Variants in DNAJB6 observed in about 807,000 individuals in gnomAD.
DNAJB6 encodes the protein DnaJ heat shock protein family (Hsp40) member B6, also known as dnaJ homolog subfamily B member 6.
DNAJB6 carries 16 observed loss-of-function variants against 42.7 expected under a neutral mutation model. The ratio of observed to expected loss-of-function variants is 0.37; its 90% CI spans 0.25 to 0.57. DNAJB6 has a LOEUF of 0.57. Among genes scored for constraint, DNAJB6 ranks in the 20% least tolerant of loss-of-function variants. The pLI is 0.74. For synonymous variants in DNAJB6, 170 were observed against 163.5 expected (o/e 1.04, Z -0.30); for missense variants, 347 against 416.8 (o/e 0.83, Z 1.46).
chr7:157,398,217 G>T (rs1331533712), intron 8 of DNAJB6, among the ~76,000 whole-genome samples: 1 of 152,232 alleles, frequency 6.6e-6, no homozygotes, highest in South Asian at 2.1e-4. Flanking sequence ...GTGAGGGCAG[G>T]GTCTTGCTGG....
At chr7:157,393,048 AC>A (rs1801421774) in intron 8 of DNAJB6, among the ~76,000 whole-genome samples, 1 of 152,082 alleles carries the variant, frequency 6.6e-6, no homozygotes, top group African/African-American at 2.4e-5. Flanking sequence ...ATCACGGCTG[AC>A]TGCAACCCCT....
intron 1 of DNAJB6, among the ~76,000 whole-genome samples, chr7:157,351,869 T>C (rs991428599): frequency 6.6e-6 from 1 of 151,824 alleles, no homozygotes; most frequent in African/African-American, 2.4e-5. Context: ...GGCACATGCC[T>C]GTAGTCCCAG....
At chr7:157,342,153 T>C (rs1798424393) in intron 1 of DNAJB6, among the ~76,000 whole-genome samples, 1 of 150,876 alleles carries the variant, frequency 6.6e-6, no homozygotes, top group Non-Finnish European at 1.5e-5. Context: ...GCACCGAGCC[T>C]GGCCCTATTT....
At position 157,409,990 on chromosome 7, in the gene DNAJB6, C is replaced by G. The variant is rs1169348599; in HGVS notation, c.887C>G (p.Ala296Gly). The change falls in exon 9 of 10, where the codon GCG (alanine) becomes GGG (glycine). Residue 296 changes from alanine to glycine, a missense_variant. Ala to Gly is a moderately conservative substitution (Grantham distance 60). Around this residue, in one of 3 missense-constraint regions of DNAJB6, gnomAD observed 264 missense variants for 288.0 expected, o/e 0.92. Coordinates refer to ENST00000262177, the MANE Select transcript of DNAJB6 (RefSeq NM_058246.4). Reference protein sequence around the residue: ...PRAPGPWDPLASAAGLKEGGK... With the variant: ...PRAPGPWDPLGSAAGLKEGGK... ...GCACCCGGGCCCTGGGACCCCCTCG[C>G]GTCCGCAGCAGGTGTGCAAAGGGAG... is the stretch of plus-strand genomic sequence containing the variant. 2.6e-6 allele frequency: 4 copies of G among 1,531,234 alleles called. No homozygotes were observed. Among genetic ancestry groups the G allele is most frequent in the Non-Finnish European group, 3.5e-6 (4 of 1,142,048 alleles). The allele number at this position is 1,531,234 out of a possible 1,614,324, so 94.9% of individuals were successfully genotyped here.
In DNAJB6 at chr7:157,354,785, C is replaced by T. The variant is rs1799187761; in HGVS notation, c.-26-3762C>T. 2.6e-5 allele frequency among the ~76,000 whole-genome samples: 4 copies of T among 152,162 alleles called. 1 individual carries two copies. Among genetic ancestry groups the T allele is most frequent in the Admixed American group, 2.6e-4 (4 of 15,266 alleles). On this transcript the variant is annotated intron_variant, in intron 1 of 9. Coordinates refer to ENST00000262177, the MANE Select transcript of DNAJB6 (RefSeq NM_058246.4). ...TCATTTATTTCAGAGGTAGACTCGGCAGAACTTTGTGATTTATTTGTGTCT... is the reference window on the plus strand; with the variant it reads ...TCATTTATTTCAGAGGTAGACTCGGTAGAACTTTGTGATTTATTTGTGTCT...
Position 157,409,871 on chromosome 7 carries a change from C to G in DNAJB6, c.768C>G (p.Gly256=). ...GQNALPAQPA[G]LRPPKPPRPA... ...ACGCCCTGCCAGCCCAGCCTGCCGG[C>G]CTCCGCCCGCCGAAGCCGCCCCGGC... The change falls in exon 9 of 10, where the codon GGC becomes GGG. Residue 256 remains glycine (G), a synonymous_variant. Coordinates refer to ENST00000262177, the MANE Select transcript of DNAJB6 (RefSeq NM_058246.4). 1 of 1,533,326 alleles carries G rather than the reference C, an allele frequency of 6.5e-7. No homozygotes were observed. Among genetic ancestry groups the G allele is most frequent in the Non-Finnish European group, 8.7e-7 (1 of 1,145,644 alleles). The allele number at this position is 1,533,326 out of a possible 1,614,324, so 95.0% of individuals were successfully genotyped here.
rs58604246 is a variant in DNAJB6, at chr7:157,358,329, C to T, written c.-26-218C>T. Among the ~76,000 whole-genome samples the T allele has an allele frequency of 0.05, 7,630 of 152,122 alleles. 233 individuals carry two copies. The highest frequency in any genetic ancestry group is 0.084 in the African/African-American group (3,498 of 41,488). ...ATTAGGCTATTTCAGAGCTTTTTTCCCCGTCTCTAGAAGGGTCTTAGGGCA... is the reference window on the plus strand; with the variant it reads ...ATTAGGCTATTTCAGAGCTTTTTTCTCCGTCTCTAGAAGGGTCTTAGGGCA... On this transcript the variant is annotated intron_variant, in intron 1 of 9. Coordinates refer to ENST00000262177, the MANE Select transcript of DNAJB6 (RefSeq NM_058246.4).
At chr7:157,373,979 G>A (rs1021346740) in intron 5 of DNAJB6, among the ~76,000 whole-genome samples, 4 of 152,112 alleles carry the variant, frequency 2.6e-5, no homozygotes, top group African/African-American at 4.8e-5. Context: ...CCAGGAGTTC[G>A]AGTCCAGCTT....
chr7:157,368,176 GT>G (rs1799935557), intron 5 of DNAJB6, among the ~76,000 whole-genome samples: 1 of 152,172 alleles, frequency 6.6e-6, no homozygotes, highest in African/African-American at 2.4e-5. Context: ...GAAAATTTAA[GT>G]TACAGCTTGA....
chr7:157,357,602 G>GC (rs1452388137), intron 1 of DNAJB6, among the ~76,000 whole-genome samples: 2 of 151,896 alleles, frequency 1.3e-5, no homozygotes, highest in African/African-American at 4.8e-5. Flanking sequence ...TGAGCCACGC[G>GC]CCCGGCTGTG....
rs1433893898 is a variant in DNAJB6, at chr7:157,397,016, TCCTCACCA to T, written c.691+11407_691+11414del. 9.8e-5 allele frequency among the ~76,000 whole-genome samples: 15 copies of T among 152,306 alleles called. No individual in the cohort carries two copies. In the South Asian group the frequency reaches 2.7e-3, roughly 27 times the overall value. ...CTCACTCCAGGTCCTCCTGGAATTA[TCCTCACCA>T]CTCGGCTGAGGGATGCTGTCCACAC... On this transcript the variant is annotated intron_variant, in intron 8 of 9. Transcript: ENST00000262177.
At chr7:157,383,514 T>TA (rs1489543790) in intron 6 of DNAJB6, among the ~76,000 whole-genome samples, 1 of 152,158 alleles carries the variant, frequency 6.6e-6, no homozygotes, top group Admixed American at 6.5e-5. Flanking sequence ...TCTCATTTGA[T>TA]ACCATGGAAT....
intron 8 of DNAJB6, among the ~76,000 whole-genome samples, chr7:157,391,035 C>T (rs148149969): frequency 5.3e-5 from 8 of 152,194 alleles, no homozygotes; most frequent in Admixed American, 2.0e-4. Context: ...AGGGTTTTGC[C>T]GTGTTGCCCA....
At chr7:157,375,848 C>A (rs1800445092) in intron 5 of DNAJB6, among the ~76,000 whole-genome samples, 1 of 152,196 alleles carries the variant, frequency 6.6e-6, no homozygotes, top group Non-Finnish European at 1.5e-5. Context: ...GGGCGGCTGT[C>A]TAGGTTTTAG....
At chr7:157,404,754 C>T (rs947312110) in intron 8 of DNAJB6, among the ~76,000 whole-genome samples, 15 of 152,124 alleles carry the variant, frequency 9.9e-5, no homozygotes, top group Non-Finnish European at 1.9e-4. Context: ...GATCCGCCTG[C>T]CTCAGCCTCT....
At chr7:157,388,440 G>T (rs1434224739) in intron 8 of DNAJB6, among the ~76,000 whole-genome samples, 2 of 152,154 alleles carry the variant, frequency 1.3e-5, no homozygotes. Flanking sequence ...ACTTGCTGTA[G>T]TGTTGAGCGC....
At chr7:157,387,676 C>G (rs1801139071) in intron 8 of DNAJB6, among the ~76,000 whole-genome samples, 1 of 152,092 alleles carries the variant, frequency 6.6e-6, no homozygotes, top group Non-Finnish European at 1.5e-5. Context: ...TTTGGTTGTT[C>G]TAGACTTTGT....
chr7:157,370,949 C>T (rs1312388776), intron 5 of DNAJB6: 1 of 152,534 alleles, frequency 6.6e-6, no homozygotes, highest in African/African-American at 2.4e-5. Flanking sequence ...GGTCAACACC[C>T]TGGTCTGTGG....
At chr7:157,351,998 AAAAC>A (rs139390611) in intron 1 of DNAJB6, among the ~76,000 whole-genome samples, 5,833 of 152,108 alleles carry the variant, frequency 0.038, 149 homozygotes, top group East Asian at 0.068. Context: ...CACTATCTCA[AAAAC>A]AAACAAACAA....
Sources: allele counts gnomAD v4.1 joint callset (sites outside exome capture counted in the v4.1 genomes callset), GRCh38; gene constraint gnomAD v4.1.1; regional missense constraint gnomAD v4.1.1; transcripts MANE v1.5; gene names NCBI Gene and HGNC (gene_info 2026-07-23, HGNC 2026-07-21).